Variants in DAB1 observed in about 807,000 individuals in gnomAD.
DAB1 encodes disabled homolog 1.
Under a neutral mutation model 64.6 loss-of-function variants are expected in DAB1, and 15 were observed. The ratio of observed to expected loss-of-function variants is 0.23; its 90% CI spans 0.16 to 0.36. The LOEUF (loss-of-function observed/expected upper bound fraction) is 0.36, where lower values mean the gene tolerates loss of function less well. Ranked by LOEUF, DAB1 falls within the 10% of genes least tolerant of loss-of-function variation. DAB1 has a pLI of 1.00. For missense variants in DAB1, 596 were observed against 706.7 expected, an observed-to-expected ratio of 0.84 and a Z score of 1.78; for synonymous variants, 235 against 251.9, an observed-to-expected ratio of 0.93 and a Z score of 0.64.
At chr1:58,192,228 A>G (rs1657426002) in intron 4 of DAB1, among the ~76,000 whole-genome samples, 1 of 152,220 alleles carries the variant, frequency 6.6e-6, no homozygotes, top group African/African-American at 2.4e-5. Flanking sequence ...GGTGGTTGCC[A>G]GGGGCTGGCA....
intron 7 of DAB1, among the ~76,000 whole-genome samples, chr1:57,529,378 C>G (rs955818373): frequency 6.6e-6 from 1 of 152,050 alleles, no homozygotes; most frequent in Non-Finnish European, 1.5e-5. Flanking sequence ...AAATCCAACT[C>G]TATCTTAATT....
chr1:57,620,175 C>T (rs1645838950), intron 7 of DAB1, among the ~76,000 whole-genome samples: 1 of 152,100 alleles, frequency 6.6e-6, no homozygotes, highest in African/African-American at 2.4e-5. Flanking sequence ...CCAGCTGAGA[C>T]TCCGCCCCGA....
At chr1:58,290,979 G>T (rs554214316) in intron 4 of DAB1, among the ~76,000 whole-genome samples, 11 of 152,238 alleles carry the variant, frequency 7.2e-5, no homozygotes, top group African/African-American at 2.4e-4. Flanking sequence ...AAAGACAGAA[G>T]GGCATAAAGG....
intron 3 of DAB1, among the ~76,000 whole-genome samples, chr1:57,138,026 A>T (rs1187815140): frequency 1.3e-5 from 2 of 152,188 alleles, no homozygotes; most frequent in Non-Finnish European, 2.9e-5. Flanking sequence ...ACTTAAATAA[A>T]CATTTATTTA....
chr1:57,203,785 A>AG (rs1665303058), intron 2 of DAB1, among the ~76,000 whole-genome samples: 1 of 152,192 alleles, frequency 6.6e-6, no homozygotes, highest in Non-Finnish European at 1.5e-5. Context: ...ATTTGCTTGA[A>AG]GGACATTATG....
chr1:58,346,421 T>G (rs1255261510), intron 3 of DAB1, among the ~76,000 whole-genome samples: 1 of 152,234 alleles, frequency 6.6e-6, no homozygotes, highest in Non-Finnish European at 1.5e-5. Flanking sequence ...TTGAGGGTCA[T>G]TAAGTCAGTC....
At chr1:57,080,277 T>C (rs936081242) in intron 4 of DAB1, among the ~76,000 whole-genome samples, 1 of 152,184 alleles carries the variant, frequency 6.6e-6, no homozygotes, top group Non-Finnish European at 1.5e-5. Flanking sequence ...TCTATAAATT[T>C]GTCAGTAAAC....
At chr1:58,035,972 G>A (rs757860173) in intron 5 of DAB1, among the ~76,000 whole-genome samples, 3 of 152,140 alleles carry the variant, frequency 2.0e-5, no homozygotes, top group East Asian at 1.9e-4. Flanking sequence ...ATCCGTGTAC[G>A]GTTGATGTTA....
At chr1:57,351,665 A>G (rs1570346749) in intron 1 of DAB1, among the ~76,000 whole-genome samples, 1 of 152,124 alleles carries the variant, frequency 6.6e-6, no homozygotes, top group African/African-American at 2.4e-5. Flanking sequence ...TACACACACA[A>G]GCATGCATGC....
At chr1:58,074,467 A>T (rs1453172326) in intron 5 of DAB1, 12 of 147,076 alleles carry the variant, frequency 8.2e-5, no homozygotes, top group Non-Finnish European at 1.2e-4. Context: ...AAAAAAAAAA[A>T]AGAATTATCT....
At chr1:57,607,335 A>G (rs947416435) in intron 7 of DAB1, among the ~76,000 whole-genome samples, 3 of 152,154 alleles carry the variant, frequency 2.0e-5, no homozygotes, top group Non-Finnish European at 4.4e-5. Flanking sequence ...ATTTTTCTGT[A>G]TGACGCCTTC....
At chr1:58,117,842 G>GTTT (rs35807060) in intron 5 of DAB1, among the ~76,000 whole-genome samples, 37 of 145,688 alleles carry the variant, frequency 2.5e-4, no homozygotes, top group African/African-American at 9.4e-4. Context: ...ATCATGCTTT[G>GTTT]TTTTTTTTTT....
At chr1:57,776,196 C>T (rs1383814249) in intron 6 of DAB1, among the ~76,000 whole-genome samples, 1 of 151,654 alleles carries the variant, frequency 6.6e-6, no homozygotes, top group Non-Finnish European at 1.5e-5. Context: ...TTTTTCAGTG[C>T]CAACATGACA....
rs372080669 is a variant in DAB1 at position 57,033,407 on chromosome 1, A to G, written c.724-7364T>C. 2.5e-6 allele frequency: 4 copies of G among 1,612,702 alleles called. No homozygotes were observed. The African/African-American group carries it at 4.0e-5, about 16-fold the overall frequency. ...TTACCTTCGTTGCCTCAAAAATCTC[A>G]TCAAAGTCTGTGGGCAGGTTTCTGT... is the stretch of plus-strand genomic sequence containing the variant. On this transcript the variant is annotated intron_variant, in intron 9 of 14. Coordinates refer to ENST00000371236, the MANE Select transcript of DAB1 (RefSeq NM_001365792.1).
At chr1:58,335,673 G>A (rs1481510203) in intron 4 of DAB1, among the ~76,000 whole-genome samples, 1 of 152,114 alleles carries the variant, frequency 6.6e-6, no homozygotes, top group Non-Finnish European at 1.5e-5. Flanking sequence ...AGTGGAAAGG[G>A]GATTGGTGAG....
At chr1:57,661,562 TG>T (rs1646386893) in intron 6 of DAB1, among the ~76,000 whole-genome samples, 2 of 152,162 alleles carry the variant, frequency 1.3e-5, no homozygotes, top group South Asian at 4.1e-4. Context: ...TAGAAGATAG[TG>T]TACAGTTGTC....
intron 7 of DAB1, among the ~76,000 whole-genome samples, chr1:57,621,329 G>T (rs1437265318): frequency 6.6e-6 from 1 of 151,142 alleles, no homozygotes; most frequent in African/African-American, 2.4e-5. Context: ...AATGATAAAA[G>T]GCCTTCCTTT....
chr1:57,127,254 A>T (rs1657205079), intron 4 of DAB1, among the ~76,000 whole-genome samples: 1 of 152,196 alleles, frequency 6.6e-6, no homozygotes, highest in African/African-American at 2.4e-5. Context: ...AGAGACACCC[A>T]AGTGGACAGC....
chr1:57,826,228 AC>A (rs2101899781), exon 2 of DAB1: 1 of 152,304 alleles, frequency 6.6e-6, no homozygotes, highest in East Asian at 1.9e-4. Flanking sequence ...TTGAGTTCCT[AC>A]TTTGTGCTTC....
Sources: allele counts gnomAD v4.1 joint callset (sites outside exome capture counted in the v4.1 genomes callset), GRCh38; gene constraint gnomAD v4.1.1; transcripts MANE v1.5; gene names NCBI Gene and HGNC (gene_info 2026-07-23, HGNC 2026-07-21).